RIF1: variants seen among roughly 807,000 people sequenced by gnomAD.
RIF1 encodes the protein replication timing regulatory factor 1, also known as telomere-associated protein RIF1.
RIF1 carries 45 observed loss-of-function variants against 247.1 expected under a neutral mutation model. The observed-to-expected ratio is 0.18, with a 90% CI of 0.14 to 0.23. The LOEUF is 0.23. Among genes scored for constraint, RIF1 ranks in the 10% least tolerant of loss-of-function variants. The pLI is 1.00. For missense variants in RIF1, 2,967 were observed against 2,862.5 expected (o/e 1.04, Z -0.83); for synonymous variants, 1,087 against 978.8 (o/e 1.11, Z -2.06).
chr2:151,427,428 C>G (rs1222444907), intron 8 of RIF1, among the ~76,000 whole-genome samples: 1 of 151,526 alleles, frequency 6.6e-6, no homozygotes, highest in East Asian at 1.9e-4. Flanking sequence ...TCAGGCTGGT[C>G]TCGAACTCCT....
intron 10 of RIF1, among the ~76,000 whole-genome samples, chr2:151,433,705 C>T (rs1573963210): frequency 6.6e-6 from 1 of 151,996 alleles, no homozygotes; most frequent in Non-Finnish European, 1.5e-5. Context: ...TTCGCCCATG[C>T]CAGCCTCCCA....
the RIF1 span, chr2:151,526,945 G>T: frequency 6.2e-7 from 1 of 1,600,790 alleles, no homozygotes; most frequent in Non-Finnish European, 8.5e-7. Flanking sequence ...TATTCCTGAG[G>T]GCGAGCACCG....
At chr2:151,513,743 G>T in the RIF1 span, 1 of 1,242,738 alleles carries the variant, frequency 8.0e-7, no homozygotes, top group Non-Finnish European at 1.1e-6. Flanking sequence ...GCTACTACTA[G>T]GTAATAAACA....
intron 20 of RIF1, among the ~76,000 whole-genome samples, chr2:151,450,548 G>A (rs1694118126): frequency 1.3e-5 from 2 of 151,318 alleles, no homozygotes; most frequent in African/African-American, 2.4e-5. Context: ...TTGAAAATTT[G>A]TGTCAAATGT....
At chr2:151,437,816 T>C (rs1691528202) in intron 13 of RIF1, among the ~76,000 whole-genome samples, 1 of 152,234 alleles carries the variant, frequency 6.6e-6, no homozygotes, top group Non-Finnish European at 1.5e-5. Context: ...TTAGTTCATT[T>C]TACAAATGAG....
At chr2:151,468,606 A>T (rs1361043889) in intron 32 of RIF1, 35 bp from the exon 33 acceptor site, 12 of 1,602,598 alleles carry the variant, frequency 7.5e-6, no homozygotes, top group Admixed American at 1.7e-5. Flanking sequence ...CAGTCAGTTG[A>T]CCTCTGTGTA....
downstream of RIF1, among the ~76,000 whole-genome samples, chr2:151,512,003 A>T (rs1208828538): frequency 6.9e-6 from 1 of 144,312 alleles, no homozygotes; most frequent in Non-Finnish European, 1.5e-5. Context: ...CCTGCATCAT[A>T]GGTTACCCTC....
rs2049113661 is a variant in RIF1 at position 151,480,260 on chromosome 2, T to C, written c.*5189T>C. ...AAAAACTCTAACTTTTGTACTCTACTTGTAGCAGAGGGAATATTTTTGGCC... is the reference window on the plus strand; with the variant it reads ...AAAAACTCTAACTTTTGTACTCTACCTGTAGCAGAGGGAATATTTTTGGCC... On this transcript the variant is annotated 3_prime_UTR_variant, in exon 36 of 36. Transcript: ENST00000444746. The C allele has an allele frequency of 6.6e-6, 1 of 152,204 alleles. No individual in the cohort carries two copies. The highest frequency in any genetic ancestry group is 1.5e-5 in the Non-Finnish European group (1 of 68,022). The allele number at this position is 152,204 out of a possible 1,614,324, so 9.4% of individuals were successfully genotyped here. A position where few individuals can be genotyped will look rare whatever the true frequency, so the allele number is the denominator to read the frequency against.
intron 6 of RIF1, among the ~76,000 whole-genome samples, chr2:151,417,774 G>C (rs527930947): frequency 7.9e-5 from 12 of 152,100 alleles, no homozygotes; most frequent in Non-Finnish European, 1.6e-4. Flanking sequence ...TACATTCTGA[G>C]GAATGCATCA....
chr2:151,501,963 C>CA (rs2064990512), intron 11 of RIF1, among the ~76,000 whole-genome samples: 1 of 152,022 alleles, frequency 6.6e-6, no homozygotes, highest in Non-Finnish European at 1.5e-5. Flanking sequence ...ACATAGCATA[C>CA]AAAAAATAGC....
chr2:151,453,079 A>G (rs974640289), intron 21 of RIF1, among the ~76,000 whole-genome samples: 1 of 152,204 alleles, frequency 6.6e-6, no homozygotes, highest in East Asian at 1.9e-4. Flanking sequence ...ATTTAGAGAA[A>G]TACTGCAAGA....
At chr2:151,458,507 C>T (rs1481016974) in intron 24 of RIF1, among the ~76,000 whole-genome samples, 1 of 152,022 alleles carries the variant, frequency 6.6e-6, no homozygotes, top group African/African-American at 2.4e-5. Flanking sequence ...GCTGGGATTA[C>T]AGGTGTGAGC....
chr2:151,493,242 C>G (rs2057943588), intron 9 of RIF1: 1 of 867,610 alleles, frequency 1.2e-6, no homozygotes, highest in East Asian at 2.7e-5. Context: ...GCATTTTTCT[C>G]TTTTAAAATT....
chr2:151,518,206 C>CTTA, the RIF1 span: 4 of 818,422 alleles, frequency 4.9e-6, no homozygotes, highest in East Asian at 9.7e-5. Flanking sequence ...TTCAAAACCC[C>CTTA]TTATATCTTT....
At chr2:151,439,469 C>T (rs887645838) in intron 14 of RIF1, among the ~76,000 whole-genome samples, 1 of 150,612 alleles carries the variant, frequency 6.6e-6, no homozygotes, top group East Asian at 2.0e-4. Context: ...GTTTGAGACC[C>T]GTCTGACCAA....
intron 12 of RIF1, 68 bp from the exon 13 acceptor site, chr2:151,437,173 T>C: frequency 7.4e-7 from 1 of 1,355,948 alleles, no homozygotes; most frequent in Non-Finnish European, 1.0e-6. Flanking sequence ...ATTTTAAAGT[T>C]TTATAGTGAG....
chr2:151,533,457 C>A, the RIF1 span: 1 of 1,550,094 alleles, frequency 6.5e-7, no homozygotes, highest in Admixed American at 2.0e-5. Flanking sequence ...TCCACATATG[C>A]GAATTGTAGA....
Position 151,410,530 on chromosome 2 carries a change from G to A in RIF1, c.104+3G>A. 1 of 1,610,630 alleles carries A rather than the reference G, an allele frequency of 6.2e-7. No homozygotes were observed. Among genetic ancestry groups the A allele is most frequent in the East Asian group, 2.2e-5 (1 of 44,836 alleles). ...GACGCTTACCTGACTCTGACCAGGT[G>A]AGGTCCGCCACGGGGCGTAGCGGAG... On this transcript the variant is annotated splice_donor_region_variant and intron_variant, in intron 2 of 35. Transcript: ENST00000444746.
At chr2:151,493,256 G>A (rs1454750437) in intron 9 of RIF1, 1 of 930,280 alleles carries the variant, frequency 1.1e-6, no homozygotes, top group Admixed American at 2.5e-5. Context: ...TAAAATTTTA[G>A]TGTGTTTTTC....
Sources: gnomAD v4.1 joint callset for allele counts (sites outside exome capture counted in the v4.1 genomes callset) on GRCh38, gnomAD v4.1.1 for gene constraint, MANE v1.5 for transcripts, NCBI Gene and HGNC (gene_info 2026-07-23, HGNC 2026-07-21) for gene names.